Variants in TAS2R46 observed in about 807,000 individuals in gnomAD.
TAS2R46 encodes the protein taste 2 receptor member 46.
For missense variants in TAS2R46, 361 were observed against 347.4 expected (o/e 1.04, Z -0.31); for synonymous variants, 123 against 121.8 (o/e 1.01, Z -0.07).
At position 11,062,242 on chromosome 12, in the gene TAS2R46, A is replaced by G. The variant is rs953625326; in HGVS notation, c.53T>C (p.Val18Ala). 1.2e-6 allele frequency: 2 copies of G among 1,613,260 alleles called. No homozygotes were observed. The highest frequency in any genetic ancestry group is 1.7e-6 in the Non-Finnish European group (2 of 1,179,494). Residue 18 changes from valine (V) to alanine (A), a missense_variant, in exon 1 of 1, where the codon GTG becomes GCG. Val to Ala is a moderately conservative substitution (Grantham distance 64, BLOSUM62 0). Coordinates refer to ENST00000533467, the MANE Select transcript of TAS2R46 (RefSeq NM_176887.2). ...GAAGCCATTAGCAAAATTTCCAATC[A>G]CAAATGTAACCACTATTAGAATGGA... ...IFSILIVVTF[V>A]IGNFANGFIA... is the part of the protein sequence containing the mutation.
Position 11,062,200 on chromosome 12 carries a change from G to T in TAS2R46, c.95C>A (p.Ser32Tyr). The change falls in exon 1 of 1, where the codon TCC (serine) becomes TAC (tyrosine). Residue 32 changes from serine (S) to tyrosine (Y), a missense_variant. Transcript: ENST00000533467. ...CTTTTGTCTCTTGAACCACTCAATG[G>T]AATTTACCAATGCTATGAAGCCATT... ...FANGFIALVN[S>Y]IEWFKRQKIS... The T allele has an allele frequency of 6.2e-7, 1 of 1,613,454 alleles. No homozygotes were observed. The highest frequency in any genetic ancestry group is 8.5e-7 in the Non-Finnish European group (1 of 1,179,690).
At chr12:11,062,065 CT>C in the TAS2R46 span, 1 of 1,613,664 alleles carries the variant, frequency 6.2e-7, no homozygotes, top group Non-Finnish European at 8.5e-7. Context: ...TACTTCTATA[CT>C]GTTAAAAGCT....
In TAS2R46 at chr12:11,061,946, T is replaced by C. The variant is rs373675584; in HGVS notation, c.349A>G (p.Ile117Val). Reference protein sequence around the residue: ...LLKIANFSNLIFLHLKRRVKS... With the variant: ...LLKIANFSNLVFLHLKRRVKS... Reference sequence around the variant, plus strand: ...ACTCTCCTCTTTAAGTGAAGAAAAATAAGGTTGGAGAAATTGGCAATCTTG... The same window carrying C: ...ACTCTCCTCTTTAAGTGAAGAAAAACAAGGTTGGAGAAATTGGCAATCTTG... Residue 117 changes from isoleucine (I) to valine (V), a missense_variant, in exon 1 of 1, where the codon ATT (isoleucine) becomes GTT (valine). Coordinates refer to ENST00000533467, the MANE Select transcript of TAS2R46 (RefSeq NM_176887.2). 13 of 1,613,756 alleles carry C rather than the reference T, an allele frequency of 8.1e-6. No individual in the cohort carries two copies. In the African/African-American group the frequency reaches 1.3e-4, roughly 17 times the overall value.
Position 11,061,898 on chromosome 12 carries a change from G to A in TAS2R46, c.397C>T (p.Leu133=). The A allele has an allele frequency of 6.2e-7, 1 of 1,613,190 alleles. No individual in the cohort carries two copies. The highest frequency in any genetic ancestry group is 8.5e-7 in the Non-Finnish European group (1 of 1,179,602). The change falls in exon 1 of 1, where the codon CTA becomes TTA. Residue 133 remains leucine (L), a synonymous_variant. Coordinates refer to ENST00000533467, the MANE Select transcript of TAS2R46 (RefSeq NM_176887.2). The part of the protein sequence containing the change: ...RRVKSVVLVI[L]LGPLLFLVCH... Reference sequence around the variant, plus strand: ...ACCAAAAATAGCAAAGGCCCCAATAGTATCACCAGAACAACACTCTTAACT... The same window carrying A: ...ACCAAAAATAGCAAAGGCCCCAATAATATCACCAGAACAACACTCTTAACT...
chr12:11,061,484 A>AGC, the TAS2R46 span: 3 of 1,614,056 alleles, frequency 1.9e-6, no homozygotes, highest in African/African-American at 4.0e-5. Context: ...GTTGAAGGAT[A>AGC]GCTGAATGCA....
In TAS2R46 at chr12:11,061,531, A is replaced by C. The variant is rs1265270171; in HGVS notation, c.764T>G (p.Leu255Arg). The change falls in exon 1 of 1, where the codon CTG (leucine) becomes CGG (arginine). Residue 255 changes from leucine to arginine, a missense_variant. Coordinates refer to ENST00000533467, the MANE Select transcript of TAS2R46 (RefSeq NM_176887.2). ...IIMSVWSFES[L>R]ENKPVFMFCE... ...GAACATGAAGACAGGTTTGTTTTCC[A>C]GACTCTCAAAACTCCAAACTGACAT... is the stretch of plus-strand genomic sequence containing the variant. The C allele has an allele frequency of 6.2e-7, 1 of 1,614,136 alleles. No homozygotes were observed. Among genetic ancestry groups the C allele is most frequent in the Admixed American group, 1.7e-5 (1 of 60,026 alleles).
chr12:11,061,760 C>A lies in TAS2R46; in HGVS notation c.535G>T (p.Val179Leu). The A allele has an allele frequency of 6.2e-7, 1 of 1,614,038 alleles. No individual in the cohort carries two copies. The highest frequency in any genetic ancestry group is 8.5e-7 in the Non-Finnish European group (1 of 1,179,976). Residue 179 changes from valine to leucine, a missense_variant, in exon 1 of 1, where the codon GTA (valine) becomes TTA (leucine). Coordinates refer to ENST00000533467, the MANE Select transcript of TAS2R46 (RefSeq NM_176887.2). ...GGAACTAAGTTTGCTAGGATGGTTA[C>A]CGTTGTATTTGAAAGGTACATTGCA... is the stretch of plus-strand genomic sequence containing the variant. ...RSAMYLSNTT[V>L]TILANLVPFT...
In TAS2R46 at chr12:11,061,898, G is replaced by C; in HGVS notation, c.397C>G (p.Leu133Val). 2 of 1,613,190 alleles carry C rather than the reference G, an allele frequency of 1.2e-6. No homozygotes were observed. Among genetic ancestry groups the C allele is most frequent in the Non-Finnish European group, 1.7e-6 (2 of 1,179,602 alleles). The change falls in exon 1 of 1, where the codon CTA becomes GTA. Residue 133 changes from leucine (L) to valine (V), a missense_variant. By Grantham distance (32) the Leu-to-Val change is conservative. Coordinates refer to ENST00000533467, the MANE Select transcript of TAS2R46 (RefSeq NM_176887.2). ...ACCAAAAATAGCAAAGGCCCCAATA[G>C]TATCACCAGAACAACACTCTTAACT... Reference protein sequence around the residue: ...RRVKSVVLVILLGPLLFLVCH... With the variant: ...RRVKSVVLVIVLGPLLFLVCH...
In TAS2R46 at chr12:11,061,474, G is replaced by A. The variant is rs553357638; in HGVS notation, c.821C>T (p.Thr274Ile). Residue 274 changes from threonine to isoleucine, a missense_variant, in exon 1 of 1, where the codon ACC becomes ATC. Thr to Ile is a moderately conservative substitution (Grantham distance 89, BLOSUM62 -1). Coordinates refer to ENST00000533467, the MANE Select transcript of TAS2R46 (RefSeq NM_176887.2). ...CEAIAFSYPS[T>I]HPFILIWGNK... The stretch of plus-strand genomic sequence containing the variant: ...TCCCCAAATCAGGATGAATGGGTGG[G>A]TTGAAGGATAGCTGAATGCAATAGC... The A allele has an allele frequency of 6.9e-5, 111 of 1,614,132 alleles. No individual in the cohort carries two copies. The South Asian group carries it at 1.1e-3, about 17-fold the overall frequency.
Position 11,062,176 on chromosome 12 carries a change from T to C in TAS2R46, c.119A>G (p.Lys40Arg). Residue 40 changes from lysine (K) to arginine (R), a missense_variant, in exon 1 of 1, where the codon AAG (lysine) becomes AGG (arginine). By Grantham distance (26) the Lys-to-Arg change is conservative (BLOSUM62 2). Transcript: ENST00000533467. ...GAGAATTTGGTCAGCAAAAGAGATC[T>C]TTTGTCTCTTGAACCACTCAATGGA... ...VNSIEWFKRQ[K>R]ISFADQILTA... 1 of 1,613,604 alleles carries C rather than the reference T, an allele frequency of 6.2e-7. No homozygotes were observed. The highest frequency in any genetic ancestry group is 8.5e-7 in the Non-Finnish European group (1 of 1,179,776).
At chr12:11,062,115 C>T in the TAS2R46 span, 47 of 1,613,486 alleles carry the variant, frequency 2.9e-5, 1 homozygote, top group South Asian at 4.2e-4. Context: ...ATACTAATAC[C>T]CAGAGTAAAC....
chr12:11,061,449 T>C lies in TAS2R46; in HGVS notation c.846A>G (p.Gly282=), dbSNP rs763206168. Residue 282 remains glycine (G), a synonymous_variant, in exon 1 of 1, where the codon GGA becomes GGG. Coordinates refer to ENST00000533467, the MANE Select transcript of TAS2R46 (RefSeq NM_176887.2). The part of the protein sequence containing the change: ...PSTHPFILIW[G]NKKLKQTFLS... The stretch of plus-strand genomic sequence containing the variant: ...GAAAAGTCTGCTTTAGCTTCTTGTT[T>C]CCCCAAATCAGGATGAATGGGTGGG... 1 of 1,614,164 alleles carries C rather than the reference T, an allele frequency of 6.2e-7. No homozygotes were observed. The highest frequency in any genetic ancestry group is 8.5e-7 in the Non-Finnish European group (1 of 1,179,978).
At position 11,061,455 on chromosome 12, in the gene TAS2R46, A is replaced by T. The variant is rs1446373034; in HGVS notation, c.840T>A (p.Ile280=). Residue 280 remains isoleucine, a synonymous_variant, in exon 1 of 1, where the codon ATT becomes ATA. Transcript: ENST00000533467. ...TCTGCTTTAGCTTCTTGTTTCCCCA[A>T]ATCAGGATGAATGGGTGGGTTGAAG... is the stretch of plus-strand genomic sequence containing the variant. ...SYPSTHPFIL[I]WGNKKLKQTF... 1.9e-6 allele frequency: 3 copies of T among 1,614,158 alleles called. No homozygotes were observed. Among genetic ancestry groups the T allele is most frequent in the South Asian group, 2.2e-5 (2 of 91,080 alleles).
At position 11,062,014 on chromosome 12, in the gene TAS2R46, A is replaced by C. The variant is rs1943628021; in HGVS notation, c.281T>G (p.Phe94Cys). ...GAGGCTAGTAGCAAGCCAGTTGCTG[A>C]AATGGTTGATTACTGCCCAGACATT... ...AYNVWAVINH[F>C]SNWLATSLSI... Residue 94 changes from phenylalanine (F) to cysteine (C), a missense_variant, in exon 1 of 1, where the codon TTC becomes TGC. Phe to Cys is a radical substitution (Grantham distance 205). Transcript: ENST00000533467. 1.2e-6 allele frequency: 2 copies of C among 1,613,862 alleles called. No homozygotes were observed. The highest frequency in any genetic ancestry group is 1.1e-5 in the South Asian group (1 of 91,070).
rs780775513 is a variant in TAS2R46 at position 11,061,966 on chromosome 12, A to G, written c.329T>C (p.Ile110Thr). 1 of 1,613,980 alleles carries G rather than the reference A, an allele frequency of 6.2e-7. No homozygotes were observed. Among genetic ancestry groups the G allele is most frequent in the South Asian group, 1.1e-5 (1 of 91,074 alleles). The change falls in exon 1 of 1, where the codon ATT (isoleucine) becomes ACT (threonine). Residue 110 changes from isoleucine to threonine, a missense_variant. Transcript: ENST00000533467. The part of the protein sequence containing the change: ...TSLSIFYLLK[I>T]ANFSNLIFLH... The stretch of plus-strand genomic sequence containing the variant: ...AAAAATAAGGTTGGAGAAATTGGCA[A>G]TCTTGAGCAAATAAAATATGCTGAG...
chr12:11,062,208 C>G lies in TAS2R46; in HGVS notation c.87G>C (p.Leu29Phe). ...TCTTGAACCACTCAATGGAATTTAC[C>G]AATGCTATGAAGCCATTAGCAAAAT... is the stretch of plus-strand genomic sequence containing the variant. ...IGNFANGFIA[L>F]VNSIEWFKRQ... is the part of the protein sequence containing the mutation. Residue 29 changes from leucine to phenylalanine, a missense_variant, in exon 1 of 1, where the codon TTG becomes TTC. Leu to Phe is a conservative substitution (Grantham distance 22, BLOSUM62 0). Transcript: ENST00000533467. 1.2e-6 allele frequency: 2 copies of G among 1,613,302 alleles called. No homozygotes were observed.
At position 11,061,550 on chromosome 12, in the gene TAS2R46, C is replaced by T. The variant is rs764041640; in HGVS notation, c.745G>A (p.Val249Ile). ...AIYFLSIIMS[V>I]WSFESLENKP... is the part of the protein sequence containing the mutation. ...TTTTCCAGACTCTCAAAACTCCAAA[C>T]TGACATGATTATGGACAGAAAGTAA... is the stretch of plus-strand genomic sequence containing the variant. Residue 249 changes from valine to isoleucine, a missense_variant, in exon 1 of 1, where the codon GTT becomes ATT. By Grantham distance (29) the Val-to-Ile change is conservative. Coordinates refer to ENST00000533467, the MANE Select transcript of TAS2R46 (RefSeq NM_176887.2). The T allele has an allele frequency of 3.1e-6, 5 of 1,614,104 alleles. No individual in the cohort carries two copies. The East Asian group carries it at 8.9e-5, about 29-fold the overall frequency.
Position 11,061,714 on chromosome 12 carries a change from G to C in TAS2R46, c.581C>G (p.Ser194Cys), listed in dbSNP as rs1194846171. ...CAGAGAACAGATTAACAGCAGAAAAGATATCAGGGTCAGAGTGAAGGGAAC... is the reference window on the plus strand; with the variant it reads ...CAGAGAACAGATTAACAGCAGAAAACATATCAGGGTCAGAGTGAAGGGAAC... ...NLVPFTLTLI[S>C]FLLLICSLCK... The change falls in exon 1 of 1, where the codon TCT becomes TGT. Residue 194 changes from serine to cysteine, a missense_variant. Physicochemically the swap from Ser to Cys is moderately radical, Grantham distance 112. Coordinates refer to ENST00000533467, the MANE Select transcript of TAS2R46 (RefSeq NM_176887.2). The C allele has an allele frequency of 1.2e-6, 2 of 1,614,044 alleles. No homozygotes were observed. The highest frequency in any genetic ancestry group is 1.3e-5 in the African/African-American group (1 of 74,928).
chr12:11,062,166 A>G lies in TAS2R46; in HGVS notation c.129T>C (p.Phe43=). Residue 43 remains phenylalanine (F), a synonymous_variant, in exon 1 of 1, where the codon TTT becomes TTC. Coordinates refer to ENST00000533467, the MANE Select transcript of TAS2R46 (RefSeq NM_176887.2). ...CCAGAGCAGTGAGAATTTGGTCAGC[A>G]AAAGAGATCTTTTGTCTCTTGAACC... ...IEWFKRQKIS[F]ADQILTALAV... The G allele has an allele frequency of 6.2e-7, 1 of 1,613,714 alleles. No homozygotes were observed. The highest frequency in any genetic ancestry group is 8.5e-7 in the Non-Finnish European group (1 of 1,179,808).
Sources: gnomAD v4.1 joint callset for allele counts on GRCh38, gnomAD v4.1.1 for gene constraint, MANE v1.5 for transcripts, NCBI Gene and HGNC (gene_info 2026-07-23, HGNC 2026-07-21) for gene names.